The following WDR89 variants were observed in gnomAD, a reference collection of about 807,000 sequenced individuals.
WDR89 encodes the protein WD repeat-containing protein 89.
A neutral mutation model predicts 29.1 loss-of-function variants in WDR89; 17 were observed. The observed-to-expected ratio is 0.58, with a 90% CI of 0.40 to 0.88. The LOEUF (loss-of-function observed/expected upper bound fraction) is 0.88. WDR89 is among the 40% of genes least tolerant of loss of function. WDR89 has a pLI of 0.00. For synonymous variants in WDR89, 138 were observed against 157.8 expected (o/e 0.87, Z 0.94); for missense variants, 396 against 456.3 (o/e 0.87, Z 1.20).
At chr14:63,634,653 T>G (rs1883616304) in intron 1 of WDR89, among the ~76,000 whole-genome samples, 1 of 152,094 alleles carries the variant, frequency 6.6e-6, no homozygotes, top group Non-Finnish European at 1.5e-5. Flanking sequence ...GCAGATCACC[T>G]AAGATCAGGA....
chr14:63,634,679 G>C (rs994019484), intron 1 of WDR89, among the ~76,000 whole-genome samples: 1 of 152,062 alleles, frequency 6.6e-6, no homozygotes, highest in African/African-American at 2.4e-5. Context: ...AGACCAGCCT[G>C]GTCAATATGG....
chr14:63,626,893 G>A (rs1204380632), intron 1 of WDR89, among the ~76,000 whole-genome samples: 1 of 151,386 alleles, frequency 6.6e-6, no homozygotes, highest in Non-Finnish European at 1.5e-5. Context: ...CAAGGCAGGA[G>A]GATCACTTTG....
intron 2 of WDR89, among the ~76,000 whole-genome samples, chr14:63,616,086 T>A (rs1882286423): frequency 6.6e-6 from 1 of 152,048 alleles, no homozygotes. Context: ...CTACAAAATT[T>A]AGCTAATTTT....
At chr14:63,637,721 T>C (rs1883827433) in intron 1 of WDR89, among the ~76,000 whole-genome samples, 2 of 152,018 alleles carry the variant, frequency 1.3e-5, no homozygotes, top group East Asian at 1.9e-4. Flanking sequence ...CCAAACATCA[T>C]ATATTCTCAC....
At chr14:63,634,318 T>G (rs1485445361) in intron 1 of WDR89, among the ~76,000 whole-genome samples, 1 of 152,126 alleles carries the variant, frequency 6.6e-6, no homozygotes, top group Non-Finnish European at 1.5e-5. Context: ...TGTCAGGAGC[T>G]CGTTACCAGC....
chr14:63,641,616 C>T (rs1434405046), intron 1 of WDR89, among the ~76,000 whole-genome samples, 188 bp downstream of exon 1: 1 of 152,250 alleles, frequency 6.6e-6, no homozygotes, highest in Non-Finnish European at 1.5e-5. Flanking sequence ...CAGGTTTGAC[C>T]TGGTGGCTCC....
At chr14:63,628,657 G>T (rs181426739) in intron 1 of WDR89, among the ~76,000 whole-genome samples, 12 of 152,046 alleles carry the variant, frequency 7.9e-5, no homozygotes, top group African/African-American at 2.6e-4. Flanking sequence ...TTAAGAAAAA[G>T]AAAAAAATAA....
intron 1 of WDR89, among the ~76,000 whole-genome samples, chr14:63,627,182 T>TCTCC (rs1491583139): frequency 7.2e-6 from 1 of 138,390 alleles, no homozygotes; most frequent in African/African-American, 2.6e-5. Context: ...TCTCTCTCTC[T>TCTCC]CCTCTCTAAA....
intron 1 of WDR89, among the ~76,000 whole-genome samples, chr14:63,625,452 T>A (rs1291721783): frequency 1.3e-5 from 2 of 150,240 alleles, no homozygotes; most frequent in African/African-American, 5.0e-5. Flanking sequence ...TCAAACTACA[T>A]ACTTACAAAG....
At chr14:63,634,109 G>A (rs144072625) in intron 1 of WDR89, among the ~76,000 whole-genome samples, 44 of 152,224 alleles carry the variant, frequency 2.9e-4, no homozygotes, top group African/African-American at 6.7e-4. Context: ...ATTTCAGGCC[G>A]GGCACAGTGG....
chr14:63,639,362 A>G (rs1036510360), intron 1 of WDR89, among the ~76,000 whole-genome samples: 46 of 151,414 alleles, frequency 3.0e-4, no homozygotes, highest in Admixed American at 7.2e-4. Flanking sequence ...TCTACCAAAA[A>G]AAAAAAAAAA....
At chr14:63,611,282 G>C (rs935023868) in intron 2 of WDR89, among the ~76,000 whole-genome samples, 1 of 125,988 alleles carries the variant, frequency 7.9e-6, no homozygotes, top group Non-Finnish European at 1.6e-5. Context: ...GGTTGCGGTA[G>C]ACAAGATTGC....
intron 1 of WDR89, among the ~76,000 whole-genome samples, chr14:63,635,903 C>G (rs1165326616): frequency 6.6e-6 from 1 of 152,126 alleles, no homozygotes; most frequent in African/African-American, 2.4e-5. Flanking sequence ...AACAAACAAA[C>G]AAAACTTAGG....
intron 1 of WDR89, among the ~76,000 whole-genome samples, chr14:63,638,618 C>T (rs191277583): frequency 5.3e-5 from 8 of 152,262 alleles, no homozygotes; most frequent in Middle Eastern, 3.4e-3. Context: ...TTAATTCAGG[C>T]TTTGTTTCCA....
rs1894962294 is a variant in WDR89 at position 63,599,679 on chromosome 14, T to G, written c.264A>C (p.Ala88=). 1 of 1,614,096 alleles carries G rather than the reference T, an allele frequency of 6.2e-7. No individual in the cohort carries two copies. Among genetic ancestry groups the G allele is most frequent in the South Asian group, 1.1e-5 (1 of 91,090 alleles). The part of the protein sequence containing the change: ...FANSCDSVYS[A]CTDGTVKCWD... Reference sequence around the variant, plus strand: ...AGCATTTCACAGTGCCATCAGTACATGCTGAATATACACTGTCACAGGAAT... The same window carrying G: ...AGCATTTCACAGTGCCATCAGTACAGGCTGAATATACACTGTCACAGGAAT... The change falls in exon 3 of 3, where the codon GCA becomes GCC. Residue 88 remains alanine (A), a synonymous_variant. Coordinates refer to ENST00000620954, the MANE Select transcript of WDR89 (RefSeq NM_080666.4).
At chr14:63,626,944 AC>A (rs1883100850) in intron 1 of WDR89, among the ~76,000 whole-genome samples, 1 of 151,876 alleles carries the variant, frequency 6.6e-6, no homozygotes, top group African/African-American at 2.4e-5. Context: ...CACAAAGAGA[AC>A]CCGTCCTTAC....
intron 1 of WDR89, among the ~76,000 whole-genome samples, chr14:63,632,012 TAA>T (rs1883436716): frequency 6.6e-6 from 1 of 151,468 alleles, no homozygotes; most frequent in Non-Finnish European, 1.5e-5. Context: ...CTTGGGAGGC[TAA>T]GACAGGAGAA....
At chr14:63,628,743 C>T (rs1318595631) in intron 1 of WDR89, among the ~76,000 whole-genome samples, 1 of 152,120 alleles carries the variant, frequency 6.6e-6, no homozygotes, top group Non-Finnish European at 1.5e-5. Context: ...GCAGGACTGC[C>T]TCAGCCTAGG....
Position 63,599,797 on chromosome 14 carries a change from T to C in WDR89, c.146A>G (p.Asn49Ser). ...TTTATCATATATTCTGATTGATCCA[T>C]TAGAACATAAAACAGCAACCAAGTT... Reference protein sequence around the residue: ...KENLVAVLCSNGSIRIYDKER... With the variant: ...KENLVAVLCSSGSIRIYDKER... The change falls in exon 3 of 3, where the codon AAT becomes AGT. Residue 49 changes from asparagine (N) to serine (S), a missense_variant. Asn to Ser is a conservative substitution (Grantham distance 46). Coordinates refer to ENST00000620954, the MANE Select transcript of WDR89 (RefSeq NM_080666.4). 1 of 1,614,170 alleles carries C rather than the reference T, an allele frequency of 6.2e-7. No individual in the cohort carries two copies. Among genetic ancestry groups the C allele is most frequent in the East Asian group, 2.2e-5 (1 of 44,872 alleles).
Sources: gnomAD v4.1 joint callset for allele counts (sites outside exome capture counted in the v4.1 genomes callset) on GRCh38, gnomAD v4.1.1 for gene constraint, MANE v1.5 for transcripts, NCBI Gene and HGNC (gene_info 2026-07-23, HGNC 2026-07-21) for gene names.